Variants in CRIP2 observed in about 807,000 individuals in gnomAD.
CRIP2 encodes cysteine rich protein 2.
Under a neutral mutation model 31.3 loss-of-function variants are expected in CRIP2, and 31 were observed. That is an observed-to-expected ratio of 0.99 (90% CI 0.74 to 1.34). CRIP2 has a LOEUF of 1.34. CRIP2 is among the 40% of genes most tolerant of loss of function. The pLI is 0.00. For missense variants in CRIP2, 389 were observed against 301.6 expected, an observed-to-expected ratio of 1.29 and a Z score of -2.15; for synonymous variants, 177 against 127.2, an observed-to-expected ratio of 1.39 and a Z score of -2.63.
intron 1 of CRIP2, chr14:105,477,509 G>T (rs2083958638): frequency 1.0e-6 from 1 of 984,806 alleles, no homozygotes; most frequent in Non-Finnish European, 1.2e-6. Flanking sequence ...AGCCCCATCA[G>T]GGCCCAGTTG....
upstream of CRIP2, chr14:105,474,208 G>T (rs1407802269): frequency 6.6e-6 from 1 of 152,420 alleles, no homozygotes; most frequent in Non-Finnish European, 1.5e-5. This position sits in a 1 kb window ranked among gnomAD's most constrained non-coding sequence, Gnocchi z 5.1. Flanking sequence ...CACAGACAGT[G>T]TTGGGGCGGG....
chr14:105,473,424 G>T, upstream of CRIP2: 1 of 1,535,720 alleles, frequency 6.5e-7, no homozygotes, highest in Non-Finnish European at 8.7e-7. Flanking sequence ...GCCACAGAGA[G>T]CCCAGCCAGG....
In CRIP2 at chr14:105,474,919, C is replaced by T. The variant is rs1333323797; in HGVS notation, c.43+14C>T. 5 of 1,507,146 alleles carry T rather than the reference C, an allele frequency of 3.3e-6. No homozygotes were observed. The highest frequency in any genetic ancestry group is 2.9e-5 in the African/African-American group (2 of 68,932). 93.4% of individuals were successfully genotyped at this position (1,507,146 alleles called of 1,614,324 possible). ...CCGTGTACTTCGGTGAGTGCGTGCC[C>T]GCTCCCGGCCCGCTCGGTGCATCCC... On this transcript the variant is annotated intron_variant, in intron 1 of 7. Coordinates refer to ENST00000329146, the MANE Select transcript of CRIP2 (RefSeq NM_001312.4). The surrounding 1 kb of genome is among the most constrained non-coding windows in gnomAD (Gnocchi z 5.1).
chr14:105,479,641 G>A lies in CRIP2; in HGVS notation c.615G>A (p.Lys205=). ...TCTATGACCGGGACCCCGAAGGCAA[G>A]GTCCAGCCCTAGGCTACAGCGGCTC... ...SYIYDRDPEG[K]VQP is the part of the protein sequence containing the mutation. The change falls in exon 8 of 8, where the codon AAG becomes AAA. Residue 205 remains lysine (K), a synonymous_variant. Coordinates refer to ENST00000329146, the MANE Select transcript of CRIP2 (RefSeq NM_001312.4). 4 of 1,612,492 alleles carry A rather than the reference G, an allele frequency of 2.5e-6. No individual in the cohort carries two copies. Among genetic ancestry groups the A allele is most frequent in the East Asian group, 2.2e-5 (1 of 44,870 alleles).
At position 105,479,700 on chromosome 14, in the gene CRIP2, G is replaced by C. The variant is rs797025483; in HGVS notation, c.*47G>C. The C allele has an allele frequency of 1.5e-5, 23 of 1,578,048 alleles. No homozygotes were observed. In the African/African-American group the frequency reaches 2.0e-4, roughly 14 times the overall value. ...TGGGCTCACCTGCGCCCCAGACCCT[G>C]CAGGGGCCCCCCTGCTTGGCTCTGC... is the stretch of plus-strand genomic sequence containing the variant. On this transcript the variant is annotated 3_prime_UTR_variant, in exon 8 of 8. Transcript: ENST00000329146.
upstream of CRIP2, among the ~76,000 whole-genome samples, chr14:105,473,986 C>T (rs2083882964): frequency 6.6e-6 from 1 of 152,206 alleles, no homozygotes; most frequent in Non-Finnish European, 1.5e-5. Context: ...CCTAACTCCT[C>T]ACCGCCTCCC....
Position 105,478,527 on chromosome 14 carries a change from G to C in CRIP2, c.196+20G>C, listed in dbSNP as rs782790953. On this transcript the variant is annotated intron_variant, in intron 3 of 7. Coordinates refer to ENST00000329146, the MANE Select transcript of CRIP2 (RefSeq NM_001312.4). The surrounding 1 kb of genome is among the most constrained non-coding windows in gnomAD (Gnocchi z 4.9). Reference sequence around the variant, plus strand: ...CCAAAGGTGAGCTCCGGCTGCCCTCGGCCTGCCCTGGGACCTGCTGGGAGG... The same window carrying C: ...CCAAAGGTGAGCTCCGGCTGCCCTCCGCCTGCCCTGGGACCTGCTGGGAGG... The C allele has an allele frequency of 3.1e-6, 5 of 1,602,874 alleles. No individual in the cohort carries two copies. Among genetic ancestry groups the C allele is most frequent in the Non-Finnish European group, 4.3e-6 (5 of 1,176,360 alleles).
At chr14:105,473,601 C>T (rs1472192773), upstream of CRIP2, 83 of 1,415,648 alleles carry the variant, frequency 5.9e-5, 1 homozygote, top group Non-Finnish European at 7.7e-5. Flanking sequence ...GATCACTGGG[C>T]TTCTGGGATC....
At chr14:105,475,894 G>A in intron 1 of CRIP2, 1 of 985,514 alleles carries the variant, frequency 1.0e-6, no homozygotes, top group Non-Finnish European at 1.2e-6. Flanking sequence ...CCAACAGGGC[G>A]CCTGCCCTGG....
Position 105,478,578 on chromosome 14 carries a change from C to G in CRIP2, c.196+71C>G. On this transcript the variant is annotated intron_variant, in intron 3 of 7. Coordinates refer to ENST00000329146, the MANE Select transcript of CRIP2 (RefSeq NM_001312.4). This position sits in a 1 kb window ranked among gnomAD's most constrained non-coding sequence, Gnocchi z 4.9. ...GGCGTGGCGCTGGCGCTGGGGAGGG[C>G]TGGGGGTCCCGGCCGCCGTGGATCC... The G allele has an allele frequency of 6.5e-7, 1 of 1,547,582 alleles. No individual in the cohort carries two copies. The highest frequency in any genetic ancestry group is 8.7e-7 in the Non-Finnish European group (1 of 1,147,144).
chr14:105,477,233 T>A, intron 1 of CRIP2: 1 of 973,714 alleles, frequency 1.0e-6, no homozygotes, highest in Non-Finnish European at 1.2e-6. Flanking sequence ...CCTGCTTCCA[T>A]CCACTGGGAA....
intron 1 of CRIP2, 106 bp downstream of exon 1, chr14:105,475,011 CCCCGGA>C (rs1325164193): frequency 1.2e-5 from 15 of 1,237,416 alleles, no homozygotes; most frequent in Middle Eastern, 2.2e-4. Context: ...CCGGCCCCGG[CCCCGGA>C]CCGAGGATGC....
chr14:105,477,153 C>A, intron 1 of CRIP2: 1 of 503,738 alleles, frequency 2.0e-6, no homozygotes, highest in Non-Finnish European at 2.6e-6. Context: ...CCCTTCCCTT[C>A]AGAATTCCGG....
At chr14:105,476,949 CCT>C in intron 1 of CRIP2, 1 of 232,696 alleles carries the variant, frequency 4.3e-6, no homozygotes, top group Non-Finnish European at 7.1e-6. Context: ...CACCCTTGGG[CCT>C]CTCAGAGTGG....
chr14:105,473,167 G>A (rs2141740500), upstream of CRIP2: 1 of 1,497,696 alleles, frequency 6.7e-7, no homozygotes, highest in South Asian at 1.2e-5. Flanking sequence ...ATCCAGCCTG[G>A]GCAAGGCCCT....
chr14:105,479,431 C>A lies in CRIP2; in HGVS notation c.502-5C>A. On this transcript the variant is annotated splice_polypyrimidine_tract_variant and splice_region_variant and intron_variant, in intron 6 of 7. Coordinates refer to ENST00000329146, the MANE Select transcript of CRIP2 (RefSeq NM_001312.4). Reference sequence around the variant, plus strand: ...TCCTCCCTCAGCACCCACCTTCTGCCCCAGCACGACGGCCAGCCCTACTGC... The same window carrying A: ...TCCTCCCTCAGCACCCACCTTCTGCACCAGCACGACGGCCAGCCCTACTGC... 1.9e-6 allele frequency: 3 copies of A among 1,612,794 alleles called. No individual in the cohort carries two copies. Among genetic ancestry groups the A allele is most frequent in the Non-Finnish European group, 2.5e-6 (3 of 1,179,958 alleles).
Position 105,479,689 on chromosome 14 carries a change from C to T in CRIP2, c.*36C>T, listed in dbSNP as rs781806248. 2 of 1,595,738 alleles carry T rather than the reference C, an allele frequency of 1.3e-6. No homozygotes were observed. The highest frequency in any genetic ancestry group is 1.7e-6 in the Non-Finnish European group (2 of 1,171,938). On this transcript the variant is annotated 3_prime_UTR_variant, in exon 8 of 8. Transcript: ENST00000329146. ...CTCTCATGATGTGGGCTCACCTGCG[C>T]CCCAGACCCTGCAGGGGCCCCCCTG... is the stretch of plus-strand genomic sequence containing the variant.
chr14:105,478,358 G>C lies in CRIP2; in HGVS notation c.136G>C (p.Glu46Gln). ...GACGCTGACGCCCGGGGGCCACGCCGAGGTGAGCCCCACTGCGCGGCGCGG... is the reference window on the plus strand; with the variant it reads ...GACGCTGACGCCCGGGGGCCACGCCCAGGTGAGCCCCACTGCGCGGCGCGG... ...SKTLTPGGHA[E>Q]HDGKPFCHKP... The change falls in exon 2 of 8, where the codon GAG (glutamate) becomes CAG (glutamine). Residue 46 changes from glutamate (E) to glutamine (Q), a missense_variant and splice_region_variant. Coordinates refer to ENST00000329146, the MANE Select transcript of CRIP2 (RefSeq NM_001312.4). The surrounding 1 kb of genome is among the most constrained non-coding windows in gnomAD (Gnocchi z 4.9). 1 of 1,567,716 alleles carries C rather than the reference G, an allele frequency of 6.4e-7. No homozygotes were observed. The highest frequency in any genetic ancestry group is 8.6e-7 in the Non-Finnish European group (1 of 1,159,658).
chr14:105,479,267 C>CG (rs587644713), intron 6 of CRIP2, 48 bp downstream of exon 6: 7 of 1,014,746 alleles, frequency 6.9e-6, no homozygotes, highest in East Asian at 2.5e-5. Flanking sequence ...GGCGCGGGGT[C>CG]GGGGGGATGA....
Sources: allele counts gnomAD v4.1 joint callset (sites outside exome capture counted in the v4.1 genomes callset), GRCh38; gene constraint gnomAD v4.1.1; non-coding constraint Gnocchi (gnomAD v3.1); transcripts MANE v1.5; gene names NCBI Gene and HGNC (gene_info 2026-07-23, HGNC 2026-07-21).